The following POTEC variants were observed in gnomAD, a reference collection of about 807,000 sequenced individuals.
POTEC encodes the protein ANKRD26-like family B member 2.
A neutral mutation model predicts 62.0 loss-of-function variants in POTEC; 35 were observed. The observed-to-expected ratio is 0.56, with a 90% CI of 0.43 to 0.75. The LOEUF (loss-of-function observed/expected upper bound fraction) is 0.75. Among genes scored for constraint, POTEC ranks in the 30% least tolerant of loss-of-function variants. POTEC has a pLI of 0.00. For missense variants in POTEC, 472 were observed against 655.9 expected, an observed-to-expected ratio of 0.72 and a Z score of 3.06; for synonymous variants, 156 against 221.5, an observed-to-expected ratio of 0.70 and a Z score of 2.62.
At chr18:14,537,760 T>C (rs765121491) in intron 3 of POTEC, 41 bp downstream of exon 3, 6 of 1,605,592 alleles carry the variant, frequency 3.7e-6, no homozygotes, top group Non-Finnish European at 5.1e-6. Flanking sequence ...TTAACACGAA[T>C]GCATTTCAGT....
In POTEC at chr18:14,513,718, T is replaced by C; in HGVS notation, c.1477A>G (p.Ile493Val). 2.5e-6 allele frequency: 4 copies of C among 1,611,818 alleles called. No individual in the cohort carries two copies. The highest frequency in any genetic ancestry group is 1.7e-6 in the Non-Finnish European group (2 of 1,179,806). The change falls in exon 10 of 11, where the codon ATT (isoleucine) becomes GTT (valine). Residue 493 changes from isoleucine to valine, a missense_variant. Ile to Val is a conservative substitution (Grantham distance 29, BLOSUM62 3). Transcript: ENST00000358970. ...EQNTGISQDE[I>V]LTNKQKQIEV... is the part of the protein sequence containing the mutation. ...ATCTGCTTTTGTTTATTAGTCAGAATCTCATCTTGTGATATTCCAGTGTTC... is the reference window on the plus strand; with the variant it reads ...ATCTGCTTTTGTTTATTAGTCAGAACCTCATCTTGTGATATTCCAGTGTTC...
chr18:14,528,912 G>A, intron 6 of POTEC: 1 of 454,022 alleles, frequency 2.2e-6, no homozygotes, highest in Non-Finnish European at 4.4e-6. Context: ...ACCCTGCAAG[G>A]TTCACTCAGC....
chr18:14,543,249 G>T lies in POTEC; in HGVS notation c.-103C>A, dbSNP rs552744471. ...ACCCTGGGTTTCCAATCTGTTTGAA[G>T]AGAAAGGTCAATCCCAGCCAAAACT... is the stretch of plus-strand genomic sequence containing the variant. On this transcript the variant is annotated 5_prime_UTR_variant, in exon 1 of 11. Transcript: ENST00000358970. The T allele has an allele frequency of 5.3e-6, 8 of 1,508,680 alleles. No individual in the cohort carries two copies. In the African/African-American group the frequency reaches 1.1e-4, roughly 21 times the overall value. 93.5% of individuals were successfully genotyped at this position (1,508,680 alleles called of 1,614,324 possible). A position where few individuals can be genotyped will look rare whatever the true frequency, so the allele number is the denominator to read the frequency against.
chr18:14,523,115 GA>G (rs1910351619), intron 8 of POTEC, among the ~76,000 whole-genome samples: 1 of 151,754 alleles, frequency 6.6e-6, no homozygotes, highest in Non-Finnish European at 1.5e-5. Context: ...TTTCCAGCTG[GA>G]AGTTACAAAG....
rs1325867839 is a variant in POTEC at position 14,510,534 on chromosome 18, T to G, written c.*1364A>C. 14 of 152,058 alleles carry G rather than the reference T, an allele frequency of 9.2e-5. No individual in the cohort carries two copies. The East Asian group carries it at 1.6e-3, about 17-fold the overall frequency. 9.4% of individuals were successfully genotyped at this position (152,058 alleles called of 1,614,324 possible). On this transcript the variant is annotated 3_prime_UTR_variant, in exon 11 of 11. Coordinates refer to ENST00000358970, the MANE Select transcript of POTEC (RefSeq NM_001137671.2). ...CTGCCGTGGTATGCTGGGGGTCCAC[T>G]CCAGTCGCCAATTGCCTCGTATTTT...
rs1234701568 is a variant in POTEC, at chr18:14,508,165, A to G, written c.*3733T>C. The stretch of plus-strand genomic sequence containing the variant: ...ATGATATTCTGAAATGTGTTTTCCA[A>G]GTTGGTTCCATTCTCCTCATCTCTT... On this transcript the variant is annotated 3_prime_UTR_variant, in exon 11 of 11. Coordinates refer to ENST00000358970, the MANE Select transcript of POTEC (RefSeq NM_001137671.2). The G allele has an allele frequency of 4.6e-5, 7 of 152,250 alleles. No homozygotes were observed. The East Asian group carries it at 1.2e-3, about 25-fold the overall frequency. 9.4% of individuals were successfully genotyped at this position (152,250 alleles called of 1,614,324 possible).
chr18:14,526,485 A>C (rs1461694289), intron 6 of POTEC, among the ~76,000 whole-genome samples: 1 of 152,138 alleles, frequency 6.6e-6, no homozygotes, highest in Non-Finnish European at 1.5e-5. Context: ...AGGGTTTAAA[A>C]AGAATGAAAA....
At chr18:14,539,397 T>G (rs937608970) in intron 1 of POTEC, among the ~76,000 whole-genome samples, 2 of 147,626 alleles carry the variant, frequency 1.4e-5, no homozygotes, top group African/African-American at 5.1e-5. Flanking sequence ...TAGTACCCGT[T>G]AGTTCTATTT....
At chr18:14,531,952 G>GT (rs200756232) in intron 5 of POTEC, among the ~76,000 whole-genome samples, 1,833 of 151,348 alleles carry the variant, frequency 0.012, 32 homozygotes, top group African/African-American at 0.042. Context: ...AGAGATGGAA[G>GT]TAGCTTGGAT....
intron 5 of POTEC, among the ~76,000 whole-genome samples, chr18:14,532,419 T>C (rs1905556282): frequency 1.3e-5 from 2 of 152,118 alleles, no homozygotes; most frequent in Admixed American, 6.5e-5. Flanking sequence ...CTAAAAAATG[T>C]TGTAACTTCA....
chr18:14,519,273 C>T (rs1196425839), intron 9 of POTEC, among the ~76,000 whole-genome samples: 2 of 152,106 alleles, frequency 1.3e-5, no homozygotes, highest in Non-Finnish European at 2.9e-5. Flanking sequence ...ACATCAGTAG[C>T]CCAATTTTGG....
At chr18:14,527,027 T>C (rs558941259) in intron 6 of POTEC, among the ~76,000 whole-genome samples, 44 of 152,228 alleles carry the variant, frequency 2.9e-4, no homozygotes. Flanking sequence ...TCACTTAATA[T>C]TTGGGAAGGT....
chr18:14,541,152 G>A (rs1416151730), intron 1 of POTEC, among the ~76,000 whole-genome samples: 3 of 152,134 alleles, frequency 2.0e-5, no homozygotes, highest in Non-Finnish European at 4.4e-5. Context: ...GCCTCCCAAA[G>A]TGCTGGGATT....
At position 14,523,460 on chromosome 18, in the gene POTEC, T is replaced by C. The variant is rs1910358093; in HGVS notation, c.1242+3A>G. On this transcript the variant is annotated splice_donor_region_variant and intron_variant, in intron 8 of 10. Coordinates refer to ENST00000358970, the MANE Select transcript of POTEC (RefSeq NM_001137671.2). ...ACAGAAACATTTGAACATAAAGGTA[T>C]ACCTCTCTATCACAGTCCTTATTTA... 3 of 1,570,840 alleles carry C rather than the reference T, an allele frequency of 1.9e-6. No homozygotes were observed. The East Asian group carries it at 7.0e-5, about 37-fold the overall frequency.
In POTEC at chr18:14,507,985, C is replaced by G. The variant is rs1218115915; in HGVS notation, c.*3913G>C. On this transcript the variant is annotated 3_prime_UTR_variant, in exon 11 of 11. Coordinates refer to ENST00000358970, the MANE Select transcript of POTEC (RefSeq NM_001137671.2). Reference sequence around the variant, plus strand: ...CAGGTGATGTTGCCTTTCTCCCTAGCTGCCTTTAACATTTTTTCTTTTATT... The same window carrying G: ...CAGGTGATGTTGCCTTTCTCCCTAGGTGCCTTTAACATTTTTTCTTTTATT... The G allele has an allele frequency of 6.6e-6, 1 of 152,164 alleles. No individual in the cohort carries two copies. The highest frequency in any genetic ancestry group is 1.5e-5 in the Non-Finnish European group (1 of 68,048). The allele number at this position is 152,164 out of a possible 1,614,324, so 9.4% of individuals were successfully genotyped here.
rs1318233406 is a variant in POTEC at position 14,507,458 on chromosome 18, G to T, written c.*4440C>A. ...ATTTTTCTCCATTCCTTTATTTTGA[G>T]CCTATGTATGGCACTGCATGTGAGA... On this transcript the variant is annotated 3_prime_UTR_variant, in exon 11 of 11. Transcript: ENST00000358970. The T allele has an allele frequency of 6.6e-6, 1 of 150,854 alleles. No individual in the cohort carries two copies. Among genetic ancestry groups the T allele is most frequent in the Non-Finnish European group, 1.5e-5 (1 of 67,842 alleles). 9.3% of individuals were successfully genotyped at this position (150,854 alleles called of 1,614,324 possible). A position where few individuals can be genotyped will look rare whatever the true frequency, so the allele number is the denominator to read the frequency against.
intron 10 of POTEC, 66 bp downstream of exon 10, chr18:14,513,596 C>T: frequency 6.6e-7 from 1 of 1,525,350 alleles, no homozygotes; most frequent in Non-Finnish European, 8.8e-7. Context: ...TTTATACCTT[C>T]CAAAATAAAG....
At chr18:14,532,675 T>G (rs1390853282) in intron 5 of POTEC, among the ~76,000 whole-genome samples, 1 of 152,148 alleles carries the variant, frequency 6.6e-6, no homozygotes, top group Non-Finnish European at 1.5e-5. Flanking sequence ...TCAAGGAGTA[T>G]GTAGGAGATA....
At position 14,537,659 on chromosome 18, in the gene POTEC, G is replaced by A. The variant is rs1042141511; in HGVS notation, c.810+142C>T. 7 of 1,046,428 alleles carry A rather than the reference G, an allele frequency of 6.7e-6. No individual in the cohort carries two copies. In the African/African-American group the frequency reaches 9.8e-5, roughly 15 times the overall value. 64.8% of individuals were successfully genotyped at this position (1,046,428 alleles called of 1,614,324 possible). On this transcript the variant is annotated intron_variant, in intron 3 of 10. Coordinates refer to ENST00000358970, the MANE Select transcript of POTEC (RefSeq NM_001137671.2). ...TAAAAGTAACAATATTTAAAATAAA[G>A]TCTTAGATAATTAAGTCATTTCAAA...
Sources: allele counts gnomAD v4.1 joint callset (sites outside exome capture counted in the v4.1 genomes callset), GRCh38; gene constraint gnomAD v4.1.1; transcripts MANE v1.5; gene names NCBI Gene and HGNC (gene_info 2026-07-23, HGNC 2026-07-21).